FHIT: variants seen among roughly 807,000 people sequenced by gnomAD.
FHIT encodes fragile histidine triad diadenosine triphosphatase.
Under a neutral mutation model 17.9 loss-of-function variants are expected in FHIT, and 19 were observed. The ratio of observed to expected loss-of-function variants is 1.06; its 90% CI spans 0.74 to 1.56. The LOEUF is 1.56. FHIT is among the 40% of genes most tolerant of loss of function. FHIT has a pLI of 0.00. For missense variants in FHIT, 248 were observed against 189.2 expected, an observed-to-expected ratio of 1.31 and a Z score of -1.82; for synonymous variants, 81 against 69.7, an observed-to-expected ratio of 1.16 and a Z score of -0.81.
intron 4 of FHIT, among the ~76,000 whole-genome samples, chr3:60,656,554 G>A (rs144211144): frequency 1.7e-3 from 256 of 152,222 alleles, no homozygotes; most frequent in Non-Finnish European, 2.7e-3. Context: ...GGAGGAAAAG[G>A]AAACAAACTT....
At chr3:59,943,941 C>T (rs1706664892) in intron 7 of FHIT, among the ~76,000 whole-genome samples, 1 of 152,166 alleles carries the variant, frequency 6.6e-6, no homozygotes, top group Admixed American at 6.5e-5. Flanking sequence ...AGGCACAACA[C>T]CACTGTCTAC....
chr3:59,864,604 C>A (rs574916055), intron 8 of FHIT, among the ~76,000 whole-genome samples: 8 of 151,532 alleles, frequency 5.3e-5, no homozygotes, highest in African/African-American at 1.9e-4. Flanking sequence ...TAGTATACAA[C>A]CCGCAGCCCT....
At chr3:60,133,453 A>G (rs1699682646) in intron 5 of FHIT, among the ~76,000 whole-genome samples, 2 of 152,074 alleles carry the variant, frequency 1.3e-5, no homozygotes, top group African/African-American at 4.8e-5. Context: ...TCCTGCTTCT[A>G]CTCTAGAGGG....
chr3:60,247,605 T>C (rs1705469099), intron 5 of FHIT, among the ~76,000 whole-genome samples: 1 of 152,194 alleles, frequency 6.6e-6, no homozygotes, highest in Non-Finnish European at 1.5e-5. Flanking sequence ...AATAATCATA[T>C]ACGCCCAGCC....
chr3:60,068,443 T>C (rs1324265204), intron 5 of FHIT, among the ~76,000 whole-genome samples: 2 of 152,154 alleles, frequency 1.3e-5, no homozygotes, highest in African/African-American at 2.4e-5. Context: ...ATAGCAACAG[T>C]GCAAAACTCC....
intron 5 of FHIT, among the ~76,000 whole-genome samples, chr3:60,285,452 A>G (rs1019188896): frequency 1.3e-5 from 2 of 152,204 alleles, no homozygotes; most frequent in African/African-American, 4.8e-5. Context: ...AATGAACGGC[A>G]GACTTAAAAA....
At chr3:59,874,940 A>T (rs568765746) in intron 8 of FHIT, among the ~76,000 whole-genome samples, 8 of 152,226 alleles carry the variant, frequency 5.3e-5, no homozygotes, top group African/African-American at 1.9e-4. Flanking sequence ...GCAAAGCCAA[A>T]GGGAAAATCA....
intron 1 of FHIT, among the ~76,000 whole-genome samples, 161 bp from the exon 2 acceptor site, chr3:61,200,826 C>A (rs1262514853): frequency 1.3e-5 from 2 of 151,820 alleles, no homozygotes; most frequent in African/African-American, 4.8e-5. Context: ...CACAAGAGGC[C>A]AAAAAAAGAC....
intron 4 of FHIT, among the ~76,000 whole-genome samples, chr3:60,560,193 C>T (rs1449741716): frequency 6.6e-6 from 1 of 152,134 alleles, no homozygotes; most frequent in East Asian, 1.9e-4. Flanking sequence ...ATACAATCTG[C>T]TGCAGAAGAA....
At position 60,895,414 on chromosome 3, in the gene FHIT, C is replaced by T. The variant is rs181428514; in HGVS notation, c.-110-73403G>A. Reference sequence around the variant, plus strand: ...TGTATGTGCAGGTATTCCTCTTTTTCCCTTTTATAATTAATAATGTATGGG... The same window carrying T: ...TGTATGTGCAGGTATTCCTCTTTTTTCCTTTTATAATTAATAATGTATGGG... On this transcript the variant is annotated intron_variant, in intron 3 of 9. Transcript: ENST00000492590. Among the ~76,000 whole-genome samples the T allele has an allele frequency of 1.4e-3, 215 of 152,242 alleles. 1 individual carries two copies. Among genetic ancestry groups the T allele is most frequent in the Admixed American group, 0.011 (167 of 15,292 alleles).
At chr3:60,930,522 AAAAC>A (rs1707892550) in intron 3 of FHIT, among the ~76,000 whole-genome samples, 3 of 152,340 alleles carry the variant, frequency 2.0e-5, no homozygotes, top group East Asian at 3.9e-4. Flanking sequence ...TTTACAAGAA[AAAAC>A]AAACAACCCC....
At chr3:60,698,804 A>G (rs1227705702) in intron 4 of FHIT, among the ~76,000 whole-genome samples, 1 of 152,318 alleles carries the variant, frequency 6.6e-6, no homozygotes, top group South Asian at 2.1e-4. Context: ...GATTTTGGAC[A>G]AACTTTCATG....
chr3:60,088,559 C>CT (rs1235513879), intron 5 of FHIT, among the ~76,000 whole-genome samples: 1 of 152,160 alleles, frequency 6.6e-6, no homozygotes, highest in African/African-American at 2.4e-5. Flanking sequence ...GTCCTGACTT[C>CT]TTCAGCAAGG....
intron 7 of FHIT, among the ~76,000 whole-genome samples, chr3:59,954,342 T>C (rs377171979): frequency 3.9e-5 from 6 of 151,910 alleles, no homozygotes; most frequent in East Asian, 1.9e-4. Flanking sequence ...CTTTCATCAT[T>C]TGCAAATAAT....
intron 8 of FHIT, among the ~76,000 whole-genome samples, chr3:59,837,483 C>T (rs965382042): frequency 6.6e-6 from 1 of 151,990 alleles, no homozygotes; most frequent in Non-Finnish European, 1.5e-5. Flanking sequence ...CCCCCCACCC[C>T]CCAAATATTT....
At chr3:60,370,781 T>C (rs560469724) in intron 5 of FHIT, among the ~76,000 whole-genome samples, 2 of 152,324 alleles carry the variant, frequency 1.3e-5, no homozygotes, top group East Asian at 3.9e-4. Flanking sequence ...TTCAAACTGG[T>C]CTCTTCCCTC....
chr3:60,693,936 G>C (rs782527544), intron 4 of FHIT, among the ~76,000 whole-genome samples: 1 of 152,190 alleles, frequency 6.6e-6, no homozygotes, highest in Non-Finnish European at 1.5e-5. Flanking sequence ...GTCTGCAACA[G>C]AACCCAGCAT....
intron 5 of FHIT, among the ~76,000 whole-genome samples, chr3:60,490,207 T>C (rs1576748949): frequency 6.6e-6 from 1 of 152,216 alleles, no homozygotes; most frequent in East Asian, 1.9e-4. Context: ...ACTGTTTGTG[T>C]TTATAAAGCC....
chr3:60,152,682 C>A (rs962794434), intron 5 of FHIT, among the ~76,000 whole-genome samples: 3 of 152,218 alleles, frequency 2.0e-5, no homozygotes, highest in African/African-American at 7.2e-5. Flanking sequence ...TGCCAGGACT[C>A]CTTGCCAAAA....
Sources: allele counts gnomAD v4.1 joint callset (sites outside exome capture counted in the v4.1 genomes callset), GRCh38; gene constraint gnomAD v4.1.1; transcripts MANE v1.5; gene names NCBI Gene and HGNC (gene_info 2026-07-23, HGNC 2026-07-21).